The following HIVEP3 variants were observed in gnomAD, a reference collection of about 807,000 sequenced individuals.
The protein encoded by HIVEP3 is HIVEP zinc finger 3.
Under a neutral mutation model 152.8 loss-of-function variants are expected in HIVEP3, and 49 were observed. The ratio of observed to expected loss-of-function variants is 0.32; its 90% confidence interval spans 0.26 to 0.41. The LOEUF (loss-of-function observed/expected upper bound fraction) is 0.41. Ranked by LOEUF, HIVEP3 falls within the 10% of genes least tolerant of loss-of-function variation. The pLI, the probability that HIVEP3 is intolerant of heterozygous loss-of-function variation, is 1.00. For synonymous variants in HIVEP3, 1,269 were observed against 1,289.0 expected (o/e 0.98, Z 0.33); for missense variants, 2,790 against 3,103.3 (o/e 0.90, Z 2.40).
chr1:41,715,462 G>C (rs1646577441), intron 1 of HIVEP3, among the ~76,000 whole-genome samples: 1 of 152,164 alleles, frequency 6.6e-6, no homozygotes, highest in Non-Finnish European at 1.5e-5. Context: ...ATGGGGACTG[G>C]GGGTCCTCAC....
chr1:41,793,499 G>T (rs960540804), intron 1 of HIVEP3, among the ~76,000 whole-genome samples: 1 of 152,174 alleles, frequency 6.6e-6, no homozygotes, highest in Admixed American at 6.5e-5. Context: ...GGAGGAGGCT[G>T]CACTGTGAAC....
intron 1 of HIVEP3, among the ~76,000 whole-genome samples, chr1:41,751,824 C>T (rs1354205570): frequency 6.6e-6 from 1 of 152,154 alleles, no homozygotes; most frequent in East Asian, 1.9e-4. Context: ...CACACAAAAG[C>T]ATCACACAGA....
intron 1 of HIVEP3, among the ~76,000 whole-genome samples, chr1:42,026,774 G>A (rs531107687): frequency 5.3e-5 from 8 of 152,150 alleles, no homozygotes; most frequent in Admixed American, 1.3e-4. Context: ...TCTCTGAAGC[G>A]AACTACATCT....
chr1:41,551,736 AT>A (rs1262415651), intron 5 of HIVEP3, among the ~76,000 whole-genome samples: 1 of 152,048 alleles, frequency 6.6e-6, no homozygotes, highest in Non-Finnish European at 1.5e-5. Context: ...CCCCTTTATC[AT>A]TTTTTATTGC....
At chr1:41,705,078 T>C (rs970482791) in intron 1 of HIVEP3, among the ~76,000 whole-genome samples, 3 of 152,248 alleles carry the variant, frequency 2.0e-5, no homozygotes, top group African/African-American at 2.4e-5. Flanking sequence ...AAGGATCACA[T>C]TGAACCCTCA....
chr1:41,870,232 A>G (rs551036303), intron 1 of HIVEP3, among the ~76,000 whole-genome samples: 1 of 152,168 alleles, frequency 6.6e-6, no homozygotes, highest in African/African-American at 2.4e-5. Context: ...TAGCTGAAAT[A>G]TCACTTCCCC....
At chr1:41,933,341 T>G (rs999392523) in intron 1 of HIVEP3, among the ~76,000 whole-genome samples, 1 of 152,142 alleles carries the variant, frequency 6.6e-6, no homozygotes, top group Non-Finnish European at 1.5e-5. Context: ...ATTTTGAAAC[T>G]CTGTTGTTAG....
chr1:41,919,512 G>A (rs991157478), upstream of HIVEP3, among the ~76,000 whole-genome samples: 4 of 152,142 alleles, frequency 2.6e-5, no homozygotes, highest in Admixed American at 6.5e-5. Context: ...GAGCCACATC[G>A]CATTCCAAGA....
At position 41,999,894 on chromosome 1, in the gene HIVEP3, T is replaced by A. The variant is rs189088160; in HGVS notation, n.119+35913A>T. Among the ~76,000 whole-genome samples, 73 of 151,864 alleles carry A rather than the reference T, an allele frequency of 4.8e-4. No homozygotes were observed. The South Asian group carries it at 6.0e-3, about 12-fold the overall frequency. On this transcript the variant is annotated intron_variant and non_coding_transcript_variant, in intron 1 of 3. Transcript: ENST00000489103. ...CAGCAAATTGATCCATTCTTTTTTT[T>A]TTTTCAAACTTTTATTATGAGGCCA...
At chr1:41,567,729 T>G (rs1397398409) in intron 5 of HIVEP3, among the ~76,000 whole-genome samples, 1 of 152,218 alleles carries the variant, frequency 6.6e-6, no homozygotes, top group Non-Finnish European at 1.5e-5. Flanking sequence ...GCCATCCCTT[T>G]CTGGCATTAT....
At chr1:41,862,437 A>G (rs1370482584) in intron 1 of HIVEP3, among the ~76,000 whole-genome samples, 10 of 152,124 alleles carry the variant, frequency 6.6e-5, no homozygotes, top group African/African-American at 2.4e-4. Flanking sequence ...ACTTATGCAT[A>G]TGCTTCAGTG....
At chr1:41,612,575 G>T (rs955034188) in intron 3 of HIVEP3, among the ~76,000 whole-genome samples, 29 of 152,328 alleles carry the variant, frequency 1.9e-4, no homozygotes, top group Admixed American at 3.3e-4. Flanking sequence ...AAGTGGCTGG[G>T]CTGGATCCAC....
chr1:41,555,309 A>G (rs914070256), intron 5 of HIVEP3, among the ~76,000 whole-genome samples: 2 of 152,246 alleles, frequency 1.3e-5, no homozygotes, highest in Admixed American at 6.5e-5. Context: ...AGCCAGGCGC[A>G]GAATATAATG....
rs1200513437 is a variant in HIVEP3 at position 41,582,872 on chromosome 1, G to T, written c.1926C>A (p.Ile642=). The T allele has an allele frequency of 1.9e-6, 3 of 1,614,020 alleles. No individual in the cohort carries two copies. In the African/African-American group the frequency reaches 4.0e-5, roughly 22 times the overall value. The part of the protein sequence containing the change: ...TKKGLKTKGV[I]YECNICGARY... ...GAGCACCACATATGTTACATTCGTA[G>T]ATCACCCCTTTTGTTTTCAAACCCT... The change falls in exon 4 of 9, where the codon ATC becomes ATA. Residue 642 remains isoleucine, a synonymous_variant. Transcript: ENST00000372583. This position sits in a 1 kb window ranked among gnomAD's most constrained non-coding sequence, Gnocchi z 4.7.
chr1:41,738,819 C>T (rs1278201844), intron 1 of HIVEP3, among the ~76,000 whole-genome samples: 57 of 150,776 alleles, frequency 3.8e-4, no homozygotes, highest in Admixed American at 3.7e-3. Context: ...TGCCCGCCTC[C>T]CTGTCTGCCT....
chr1:41,794,194 C>T lies in HIVEP3; in HGVS notation c.-800-93199G>A, dbSNP rs112176429. 8.5e-5 allele frequency among the ~76,000 whole-genome samples: 13 copies of T among 152,232 alleles called. 1 individual carries two copies. Among genetic ancestry groups the T allele is most frequent in the African/African-American group, 1.7e-4 (7 of 41,534 alleles). ...GGAAGACGTAGGAAGAGCAATGGGA[C>T]GGCTTACATGGTAGCAGGCAAGAGA... On this transcript the variant is annotated intron_variant, in intron 1 of 8. Coordinates refer to ENST00000372583, the MANE Select transcript of HIVEP3 (RefSeq NM_024503.5).
At chr1:41,676,329 C>T (rs760526077) in intron 2 of HIVEP3, among the ~76,000 whole-genome samples, 3 of 152,168 alleles carry the variant, frequency 2.0e-5, no homozygotes, top group Non-Finnish European at 2.9e-5. Flanking sequence ...GGATTACAGG[C>T]GTGAGCCACC....
chr1:41,550,653 C>T (rs1379082141), intron 5 of HIVEP3, among the ~76,000 whole-genome samples: 1 of 152,136 alleles, frequency 6.6e-6, no homozygotes, highest in Non-Finnish European at 1.5e-5. Flanking sequence ...AATGGGAGTT[C>T]ACTCATGATT....
chr1:41,516,834 T>A (rs1280241722), intron 7 of HIVEP3, among the ~76,000 whole-genome samples: 2 of 152,246 alleles, frequency 1.3e-5, no homozygotes, highest in Non-Finnish European at 2.9e-5. Context: ...GTGGGTTCTC[T>A]GCTCACACCG....
Sources: allele counts gnomAD v4.1 joint callset (sites outside exome capture counted in the v4.1 genomes callset), GRCh38; gene constraint gnomAD v4.1.1; non-coding constraint Gnocchi (gnomAD v3.1); transcripts MANE v1.5; gene names NCBI Gene and HGNC (gene_info 2026-07-23, HGNC 2026-07-21).